Variants in DLGAP1 observed in about 807,000 individuals in gnomAD.
DLGAP1 encodes disks large-associated protein 1.
DLGAP1 carries 11 observed loss-of-function variants against 90.8 expected under a neutral mutation model. The observed-to-expected ratio is 0.12, with a 90% CI of 0.08 to 0.20. The LOEUF (loss-of-function observed/expected upper bound fraction) is 0.20. Ranked by LOEUF, DLGAP1 falls within the 10% of genes least tolerant of loss-of-function variation. The probability of loss-of-function intolerance (pLI) is 1.00; values close to 1 mark genes in which losing one functional copy is unlikely to be tolerated. For missense variants in DLGAP1, 1,050 were observed against 1,333.8 expected (o/e 0.79, Z 3.31); for synonymous variants, 558 against 540.7 (o/e 1.03, Z -0.44).
At chr18:4,410,248 A>G (rs978775508) in intron 1 of DLGAP1, among the ~76,000 whole-genome samples, 5 of 152,204 alleles carry the variant, frequency 3.3e-5, no homozygotes, top group Non-Finnish European at 7.3e-5. Flanking sequence ...ACAAATCTTC[A>G]CTAAAGAACT....
intron 1 of DLGAP1, among the ~76,000 whole-genome samples, chr18:4,186,069 AT>A (rs34537290): frequency 0.093 from 14,174 of 151,966 alleles, 861 homozygotes; most frequent in East Asian, 0.28. Flanking sequence ...TATTGGCCTC[AT>A]GTATGTCCTC....
chr18:4,098,266 G>T lies in DLGAP1; in HGVS notation c.-159+52914C>A, dbSNP rs553897808. On this transcript the variant is annotated intron_variant, in intron 2 of 12. Coordinates refer to ENST00000315677, the MANE Select transcript of DLGAP1 (RefSeq NM_004746.4). The stretch of plus-strand genomic sequence containing the variant: ...ATTAAAGTACATAAAAATACAAGAA[G>T]ATATTGTCTATTAAAATCTACAGAG... Among the ~76,000 whole-genome samples the T allele has an allele frequency of 2.6e-5, 4 of 152,270 alleles. No homozygotes were observed. In the South Asian group the frequency reaches 8.3e-4, roughly 32 times the overall value.
chr18:4,381,296 C>A (rs995616431), intron 1 of DLGAP1, among the ~76,000 whole-genome samples: 1 of 152,036 alleles, frequency 6.6e-6, no homozygotes, highest in Non-Finnish European at 1.5e-5. Context: ...AAAAAATGAA[C>A]AATCTGATAA....
chr18:4,122,226 T>C (rs1435199337), intron 2 of DLGAP1, among the ~76,000 whole-genome samples: 1 of 152,080 alleles, frequency 6.6e-6, no homozygotes, highest in Non-Finnish European at 1.5e-5. Flanking sequence ...AAAAGACAAA[T>C]GTTATAGCAG....
intron 2 of DLGAP1, among the ~76,000 whole-genome samples, chr18:4,133,060 G>A (rs898938240): frequency 3.3e-5 from 5 of 152,140 alleles, no homozygotes; most frequent in African/African-American, 1.2e-4. Context: ...GATTTTGTGA[G>A]AATCACTGCA....
intron 1 of DLGAP1, among the ~76,000 whole-genome samples, chr18:4,220,316 A>G (rs974858635): frequency 2.0e-5 from 3 of 152,086 alleles, no homozygotes; most frequent in African/African-American, 7.2e-5. Context: ...TTTAGATTCT[A>G]TGGCTCATAA....
intron 7 of DLGAP1, among the ~76,000 whole-genome samples, chr18:3,646,880 G>A (rs1322394598): frequency 6.6e-6 from 1 of 152,022 alleles, no homozygotes; most frequent in Non-Finnish European, 1.5e-5. Context: ...AGCCAAGATC[G>A]AACTACTGCA....
chr18:3,801,818 C>T (rs924112243), intron 5 of DLGAP1, among the ~76,000 whole-genome samples: 60 of 151,926 alleles, frequency 3.9e-4, no homozygotes, highest in African/African-American at 1.4e-3. Flanking sequence ...AGCCTCTTCA[C>T]GAGAAGAATG....
chr18:4,369,205 A>G (rs962616757), intron 1 of DLGAP1, among the ~76,000 whole-genome samples: 2 of 152,194 alleles, frequency 1.3e-5, no homozygotes, highest in East Asian at 3.8e-4. Flanking sequence ...GTTCCTTAAT[A>G]TGTATGCATA....
chr18:3,637,030 C>T (rs2058745799), intron 7 of DLGAP1, among the ~76,000 whole-genome samples: 1 of 152,084 alleles, frequency 6.6e-6, no homozygotes, highest in Admixed American at 6.5e-5. Context: ...GCCACTTTTA[C>T]ATGTCTTAAA....
chr18:3,994,876 T>A (rs915862198), intron 3 of DLGAP1, among the ~76,000 whole-genome samples: 1 of 150,366 alleles, frequency 6.7e-6, no homozygotes, highest in African/African-American at 2.5e-5. Flanking sequence ...TAGATTCTAA[T>A]TTTCTAAAAG....
chr18:4,248,561 G>T (rs631801), intron 1 of DLGAP1: 34,330 of 152,032 alleles, frequency 0.23, 4,101 homozygotes, highest in East Asian at 0.46. Flanking sequence ...TTAGACACGT[G>T]GACTTACCAT....
At chr18:4,321,674 G>T (rs918721990) in intron 1 of DLGAP1, among the ~76,000 whole-genome samples, 1 of 151,994 alleles carries the variant, frequency 6.6e-6, no homozygotes, top group Non-Finnish European at 1.5e-5. Flanking sequence ...AACCAATTCG[G>T]TTAAATAATA....
intron 3 of DLGAP1, among the ~76,000 whole-genome samples, chr18:3,939,195 G>T (rs2072709855): frequency 6.6e-6 from 1 of 152,040 alleles, no homozygotes; most frequent in African/African-American, 2.4e-5. Context: ...AAGGTGGGTG[G>T]ATCACTTGAG....
At position 4,297,503 on chromosome 18, in the gene DLGAP1, T is replaced by C. The variant is rs1013223610; in HGVS notation, c.-266-146216A>G. ...ATTGTAACATATCCTCTATACTTATTGTTGGGAAACAATTGTCCCTGGTTA... is the reference window on the plus strand; with the variant it reads ...ATTGTAACATATCCTCTATACTTATCGTTGGGAAACAATTGTCCCTGGTTA... On this transcript the variant is annotated intron_variant, in intron 1 of 12. Transcript: ENST00000315677. Among the ~76,000 whole-genome samples, 15 of 152,344 alleles carry C rather than the reference T, an allele frequency of 9.8e-5. No individual in the cohort carries two copies. The East Asian group carries it at 2.9e-3, about 29-fold the overall frequency.
Position 4,191,694 on chromosome 18 carries a change from T to C in DLGAP1, c.-266-40407A>G, listed in dbSNP as rs145673478. ...CTCCTCTGTGGCTAATTGTCCCCCA[T>C]TCTTCAGGATTCAGCTTCAATGTAA... On this transcript the variant is annotated intron_variant, in intron 1 of 12. Transcript: ENST00000315677. 2.5e-3 allele frequency among the ~76,000 whole-genome samples: 381 copies of C among 152,290 alleles called. 3 individuals are homozygous for C. The highest frequency in any genetic ancestry group is 8.6e-3 in the African/African-American group (359 of 41,556).
intron 3 of DLGAP1, among the ~76,000 whole-genome samples, chr18:3,918,237 T>C (rs540476932): frequency 2.6e-5 from 4 of 152,352 alleles, no homozygotes; most frequent in African/African-American, 9.6e-5. Flanking sequence ...TATGCTTTGC[T>C]GTTGTTATTC....
chr18:3,621,195 C>T (rs1161108280), intron 7 of DLGAP1, among the ~76,000 whole-genome samples: 1 of 152,112 alleles, frequency 6.6e-6, no homozygotes, highest in Non-Finnish European at 1.5e-5. Context: ...ATTATTATAC[C>T]TGCCCTGACA....
At chr18:3,743,317 A>G (rs954440943) in intron 5 of DLGAP1, among the ~76,000 whole-genome samples, 2 of 151,826 alleles carry the variant, frequency 1.3e-5, no homozygotes, top group Non-Finnish European at 2.9e-5. Context: ...CTATTCATAT[A>G]TAATCAATTT....
Sources: allele counts gnomAD v4.1 joint callset (sites outside exome capture counted in the v4.1 genomes callset), GRCh38; gene constraint gnomAD v4.1.1; transcripts MANE v1.5; gene names NCBI Gene and HGNC (gene_info 2026-07-23, HGNC 2026-07-21).